Variants in AKAP7 observed in about 807,000 individuals in gnomAD.
AKAP7 encodes the protein A kinase (PRKA) anchor protein 7.
A neutral mutation model predicts 39.5 loss-of-function variants in AKAP7; 39 were observed. The ratio of observed to expected loss-of-function variants is 0.99; its 90% CI spans 0.76 to 1.29. The LOEUF (loss-of-function observed/expected upper bound fraction) is 1.29. Among genes scored for constraint, AKAP7 ranks in the 50% most tolerant of loss-of-function variants. The pLI, the probability that AKAP7 is intolerant of heterozygous loss-of-function variation, is 0.00. For synonymous variants in AKAP7, 140 were observed against 139.1 expected, an observed-to-expected ratio of 1.01 and a Z score of -0.05; for missense variants, 414 against 407.7, an observed-to-expected ratio of 1.02 and a Z score of -0.13.
chr6:131,206,774 T>TATCC (rs1562213121), intron 6 of AKAP7, among the ~76,000 whole-genome samples: 36 of 146,940 alleles, frequency 2.4e-4, no homozygotes, highest in Middle Eastern at 3.6e-3. Flanking sequence ...TCTGTCTGTC[T>TATCC]GTCCATCCAT....
intron 7 of AKAP7, among the ~76,000 whole-genome samples, chr6:131,226,931 A>G (rs1248054343): frequency 2.0e-5 from 3 of 152,228 alleles, no homozygotes; most frequent in Non-Finnish European, 2.9e-5. Context: ...CTCGGGTATC[A>G]TGTGATACAG....
chr6:131,192,674 A>G (rs1313104446), intron 5 of AKAP7, among the ~76,000 whole-genome samples: 5 of 152,174 alleles, frequency 3.3e-5, no homozygotes, highest in Non-Finnish European at 5.9e-5. Context: ...TGCTTTGGGT[A>G]GTTTGGACAT....
chr6:131,209,440 CG>C (rs1168106220), intron 6 of AKAP7, among the ~76,000 whole-genome samples: 6 of 151,938 alleles, frequency 3.9e-5, no homozygotes, highest in Admixed American at 3.3e-4. Context: ...TTAGTAGAGA[CG>C]GGATTTCACC....
the AKAP7 span, among the ~76,000 whole-genome samples, chr6:131,127,603 A>C: frequency 1.3e-5 from 2 of 152,240 alleles, no homozygotes; most frequent in Non-Finnish European, 2.9e-5. Context: ...CAAATTCTGC[A>C]CATTATAAAC....
chr6:131,148,180 T>A (rs1318767909), intron 2 of AKAP7, among the ~76,000 whole-genome samples: 1 of 152,228 alleles, frequency 6.6e-6, no homozygotes, highest in Admixed American at 6.5e-5. Context: ...AAAGAAGTGA[T>A]GTTATCTATG....
At chr6:131,234,138 A>G (rs1286251627) in intron 7 of AKAP7, among the ~76,000 whole-genome samples, 2 of 152,208 alleles carry the variant, frequency 1.3e-5, no homozygotes, top group African/African-American at 4.8e-5. Flanking sequence ...TACTGTGCAC[A>G]TAAAGGCTTC....
At chr6:131,231,633 A>G (rs1810630265) in intron 7 of AKAP7, among the ~76,000 whole-genome samples, 1 of 152,200 alleles carries the variant, frequency 6.6e-6, no homozygotes. Context: ...GGGTGACCAT[A>G]TGATTTATCA....
chr6:131,277,662 A>G (rs1814860676), intron 7 of AKAP7, among the ~76,000 whole-genome samples: 1 of 152,172 alleles, frequency 6.6e-6, no homozygotes, highest in African/African-American at 2.4e-5. Context: ...TGGGAACACA[A>G]ATGAGATCTC....
At chr6:131,204,810 G>C (rs1176891940) in intron 6 of AKAP7, among the ~76,000 whole-genome samples, 1 of 152,170 alleles carries the variant, frequency 6.6e-6, no homozygotes, top group African/African-American at 2.4e-5. Flanking sequence ...TTCTGGTATG[G>C]AGGGGTGGTG....
At chr6:131,170,647 A>C (rs1027201793) in intron 5 of AKAP7, among the ~76,000 whole-genome samples, 1 of 152,230 alleles carries the variant, frequency 6.6e-6, no homozygotes, top group Non-Finnish European at 1.5e-5. Flanking sequence ...CAGTTTAATA[A>C]TTGCCCATTT....
At chr6:131,175,207 G>T (rs1804459941) in intron 5 of AKAP7, among the ~76,000 whole-genome samples, 2 of 152,278 alleles carry the variant, frequency 1.3e-5, no homozygotes, top group African/African-American at 4.8e-5. Flanking sequence ...GACTGAGGAA[G>T]AGGAGGAGTG....
intron 6 of AKAP7, among the ~76,000 whole-genome samples, chr6:131,218,306 G>A (rs966604926): frequency 6.6e-6 from 1 of 151,998 alleles, no homozygotes; most frequent in Non-Finnish European, 1.5e-5. Flanking sequence ...AAAATATTTG[G>A]CACATCTGTA....
chr6:131,257,039 G>C (rs1812924724), intron 7 of AKAP7, among the ~76,000 whole-genome samples: 1 of 152,064 alleles, frequency 6.6e-6, no homozygotes, highest in Admixed American at 6.6e-5. Flanking sequence ...TTTTGGTTCT[G>C]ACATTTACCG....
intron 3 of AKAP7, among the ~76,000 whole-genome samples, chr6:131,163,005 G>A (rs200411695): frequency 6.7e-6 from 1 of 150,080 alleles, no homozygotes; most frequent in African/African-American, 2.4e-5. Flanking sequence ...TTTCGCTCTC[G>A]CTCTCTCTCT....
chr6:131,214,466 G>A (rs573010122), intron 6 of AKAP7, among the ~76,000 whole-genome samples: 5 of 152,146 alleles, frequency 3.3e-5, no homozygotes, highest in African/African-American at 9.6e-5. Flanking sequence ...ACAAAATTAA[G>A]AATTGAGAAA....
At chr6:131,151,722 GACA>G (rs921326112) in intron 2 of AKAP7, among the ~76,000 whole-genome samples, 1 of 152,108 alleles carries the variant, frequency 6.6e-6, no homozygotes, top group African/African-American at 2.4e-5. Context: ...CTCTAGCCTG[GACA>G]ACAAGAGTGA....
At chr6:131,165,563 A>G (rs181455310) in intron 4 of AKAP7, among the ~76,000 whole-genome samples, 192 of 152,148 alleles carry the variant, frequency 1.3e-3, no homozygotes, top group African/African-American at 4.2e-3. Context: ...TGGGCAAATC[A>G]TGTACTTTCT....
At chr6:131,169,699 G>C (rs1198105796) in intron 5 of AKAP7, among the ~76,000 whole-genome samples, 1 of 152,190 alleles carries the variant, frequency 6.6e-6, no homozygotes, top group Non-Finnish European at 1.5e-5. Flanking sequence ...ACAATTGAAA[G>C]TGTCAGGGAA....
At chr6:131,175,932 A>G (rs1307335177) in intron 5 of AKAP7, among the ~76,000 whole-genome samples, 10 of 152,202 alleles carry the variant, frequency 6.6e-5, no homozygotes, top group Admixed American at 5.9e-4. Context: ...ACACAGGTTT[A>G]CATGTTTATT....
Sources: allele counts gnomAD v4.1 joint callset (sites outside exome capture counted in the v4.1 genomes callset), GRCh38; gene constraint gnomAD v4.1.1; transcripts MANE v1.5; gene names NCBI Gene and HGNC (gene_info 2026-07-23, HGNC 2026-07-21).